Variants in RBFOX1 observed in about 807,000 individuals in gnomAD.
RBFOX1 encodes the protein RNA binding fox-1 homolog 1.
RBFOX1 carries 8 observed loss-of-function variants against 57.7 expected under a neutral mutation model. The ratio of observed to expected loss-of-function variants is 0.14; its 90% CI spans 0.08 to 0.25. The LOEUF is 0.25. RBFOX1 is among the 10% of genes least tolerant of loss of function. The probability of loss-of-function intolerance (pLI) is 1.00; values close to 1 mark genes in which losing one functional copy is unlikely to be tolerated. For missense variants in RBFOX1, 611 were observed against 548.5 expected (o/e 1.11, Z -1.14); for synonymous variants, 326 against 222.4 (o/e 1.47, Z -4.15).
chr16:7,177,405 C>T (rs539192880), intron 4 of RBFOX1, among the ~76,000 whole-genome samples: 29 of 151,990 alleles, frequency 1.9e-4, no homozygotes, highest in Middle Eastern at 3.4e-3. Context: ...AGTGTAAATA[C>T]CCTGACTTGA....
At chr16:6,027,765 G>C (rs148725992) in intron 1 of RBFOX1, among the ~76,000 whole-genome samples, 2 of 152,086 alleles carry the variant, frequency 1.3e-5, no homozygotes, top group African/African-American at 4.8e-5. Flanking sequence ...CAGCAAATTG[G>C]TCCCAGAATG....
At chr16:5,654,559 C>G (rs1008512572) in intron 3 of RBFOX1, among the ~76,000 whole-genome samples, 1 of 152,122 alleles carries the variant, frequency 6.6e-6, no homozygotes, top group African/African-American at 2.4e-5. Flanking sequence ...CTTTCTGGTT[C>G]AAGCCTGTCC....
chr16:7,425,412 G>C (rs940736757), intron 4 of RBFOX1, among the ~76,000 whole-genome samples: 5 of 152,162 alleles, frequency 3.3e-5, no homozygotes, highest in Admixed American at 2.0e-4. Context: ...TCATGTAATA[G>C]AAAACTTCCT....
chr16:5,621,093 G>T (rs1474715046), intron 3 of RBFOX1, among the ~76,000 whole-genome samples: 3 of 152,170 alleles, frequency 2.0e-5, no homozygotes, highest in African/African-American at 4.8e-5. Context: ...GCCTGCCTTG[G>T]CCTCCCAAAG....
intron 1 of RBFOX1, among the ~76,000 whole-genome samples, chr16:6,126,056 A>G (rs1045414320): frequency 2.0e-5 from 3 of 152,222 alleles, no homozygotes; most frequent in African/African-American, 7.2e-5. Context: ...GACAAATGAG[A>G]AAAGAATTCT....
At chr16:7,526,012 C>G (rs951601626) in intron 5 of RBFOX1, among the ~76,000 whole-genome samples, 1 of 152,076 alleles carries the variant, frequency 6.6e-6, no homozygotes, top group Non-Finnish European at 1.5e-5. Context: ...AGCTGCACAG[C>G]AAAAGGTGAG....
chr16:5,497,056 G>A (rs571627847), intron 2 of RBFOX1, among the ~76,000 whole-genome samples: 2 of 152,136 alleles, frequency 1.3e-5, no homozygotes, highest in East Asian at 1.9e-4. Context: ...TTTCACAATC[G>A]TTTTTTATCC....
At chr16:5,666,237 T>C (rs2049840672) in intron 3 of RBFOX1, among the ~76,000 whole-genome samples, 1 of 152,192 alleles carries the variant, frequency 6.6e-6, no homozygotes, top group Non-Finnish European at 1.5e-5. Flanking sequence ...TCTGGTCCAG[T>C]TCCCAGTGTG....
intron 4 of RBFOX1, among the ~76,000 whole-genome samples, chr16:7,165,965 C>CAT (rs1555525987): frequency 6.8e-6 from 1 of 147,314 alleles, no homozygotes; most frequent in African/African-American, 2.6e-5. Flanking sequence ...CACACACACA[C>CAT]ATACATACAT....
intron 2 of RBFOX1, among the ~76,000 whole-genome samples, chr16:6,591,162 C>T (rs774148171): frequency 6.6e-6 from 1 of 152,154 alleles, no homozygotes; most frequent in Non-Finnish European, 1.5e-5. Context: ...ATTGAAAAAC[C>T]TGGCCAGGCG....
chr16:7,438,277 C>A (rs1272974143), intron 4 of RBFOX1, among the ~76,000 whole-genome samples: 1 of 152,012 alleles, frequency 6.6e-6, no homozygotes, highest in Admixed American at 6.6e-5. Context: ...CTTATGTTTG[C>A]CAGGGATGGG....
At chr16:5,992,630 A>G (rs2060420668) in intron 4 of RBFOX1, among the ~76,000 whole-genome samples, 1 of 152,166 alleles carries the variant, frequency 6.6e-6, no homozygotes, top group Admixed American at 6.5e-5. Flanking sequence ...ATTTTCTGAC[A>G]GGAGACACTA....
rs972667457 is a variant in RBFOX1, at chr16:5,317,399, A to G, written c.219+77294A>G. On this transcript the variant is annotated intron_variant, in intron 1 of 2. Coordinates refer to the RBFOX1 transcript ENST00000585867. ...TGAGGTGGGCTGATCACTTGAGGCC[A>G]GGGGTTCAAGCCAGCCTGGCCAACA... 5.3e-5 allele frequency among the ~76,000 whole-genome samples: 8 copies of G among 152,188 alleles called. 1 individual carries two copies. Among genetic ancestry groups the G allele is most frequent in the African/African-American group, 1.9e-4 (8 of 41,458 alleles).
rs538203246 is a variant in RBFOX1, at chr16:6,634,455, G to A, written c.-63-20148G>A. 2.0e-5 allele frequency among the ~76,000 whole-genome samples: 3 copies of A among 150,674 alleles called. No individual in the cohort carries two copies. The Admixed American group carries it at 2.0e-4, about 10-fold the overall frequency. Reference sequence around the variant, plus strand: ...GCTGCCTCCCGGGCTTAGTGAAGTTGCATATATATTTAATATAATAGATGA... The same window carrying A: ...GCTGCCTCCCGGGCTTAGTGAAGTTACATATATATTTAATATAATAGATGA... On this transcript the variant is annotated intron_variant, in intron 2 of 15. Coordinates refer to ENST00000550418, the MANE Select transcript of RBFOX1 (RefSeq NM_018723.4).
Position 5,284,453 on chromosome 16 carries a change from G to A in RBFOX1, c.219+44348G>A, listed in dbSNP as rs180761073. On this transcript the variant is annotated intron_variant, in intron 1 of 2. Coordinates refer to the RBFOX1 transcript ENST00000585867. The stretch of plus-strand genomic sequence containing the variant: ...AGATATTGTTCTTTTGCTTCCCAAT[G>A]TAGGACTCCCTTAAGCATTTCTTGT... 4.7e-3 allele frequency among the ~76,000 whole-genome samples: 714 copies of A among 151,870 alleles called. 5 individuals are homozygous for A. Among genetic ancestry groups the A allele is most frequent in the Non-Finnish European group, 8.6e-3 (585 of 67,982 alleles).
At position 5,871,591 on chromosome 16, in the gene RBFOX1, C is replaced by T. The variant is rs141657138; in HGVS notation, c.351+4256C>T. On this transcript the variant is annotated intron_variant, in intron 4 of 19. Coordinates refer to the RBFOX1 transcript ENST00000641259. ...GAGAGAGAACGAAGTTACCTGGGCG[C>T]AGCCATTGGATTGCAAATGCGTATG... is the stretch of plus-strand genomic sequence containing the variant. Among the ~76,000 whole-genome samples, 23 of 152,324 alleles carry T rather than the reference C, an allele frequency of 1.5e-4. No individual in the cohort carries two copies. The South Asian group carries it at 4.3e-3, about 29-fold the overall frequency.
chr16:7,212,926 C>G (rs1043311917), intron 4 of RBFOX1, among the ~76,000 whole-genome samples: 1 of 152,202 alleles, frequency 6.6e-6, no homozygotes, highest in African/African-American at 2.4e-5. Context: ...AACCTAGTAT[C>G]TAGCTCTTAC....
At chr16:5,353,745 C>A (rs1377189083) in intron 1 of RBFOX1, among the ~76,000 whole-genome samples, 2 of 150,890 alleles carry the variant, frequency 1.3e-5, no homozygotes, top group Non-Finnish European at 2.9e-5. Flanking sequence ...AAAAACCTCG[C>A]CATGCCCTGT....
At chr16:7,126,977 G>C (rs11864173) in intron 4 of RBFOX1, among the ~76,000 whole-genome samples, 43,265 of 147,982 alleles carry the variant, frequency 0.29, 6,574 homozygotes, top group African/African-American at 0.38. Context: ...CCACTACACT[G>C]CAGCCTGGGC....
Sources: gnomAD v4.1 joint callset for allele counts (sites outside exome capture counted in the v4.1 genomes callset) on GRCh38, gnomAD v4.1.1 for gene constraint, MANE v1.5 for transcripts, NCBI Gene and HGNC (gene_info 2026-07-23, HGNC 2026-07-21) for gene names.